The following CDC42BPA variants were observed in gnomAD, a reference collection of about 807,000 sequenced individuals.
CDC42BPA encodes CDC42 binding protein kinase alpha.
Under a neutral mutation model 223.5 loss-of-function variants are expected in CDC42BPA, and 80 were observed. That is an observed-to-expected ratio of 0.36 (90% CI 0.30 to 0.43). The LOEUF is 0.43. Ranked by LOEUF, CDC42BPA falls within the 20% of genes least tolerant of loss-of-function variation. The pLI is 1.00. For missense variants in CDC42BPA, 1,743 were observed against 2,099.9 expected (o/e 0.83, Z 3.32); for synonymous variants, 694 against 718.6 (o/e 0.97, Z 0.55).
Position 227,034,743 on chromosome 1 carries a change from C to T in CDC42BPA, c.3388G>A (p.Val1130Met). 1 of 1,613,858 alleles carries T rather than the reference C, an allele frequency of 6.2e-7. No individual in the cohort carries two copies. Among genetic ancestry groups the T allele is most frequent in the Non-Finnish European group, 8.5e-7 (1 of 1,179,804 alleles). Residue 1130 changes from valine (V) to methionine (M), a missense_variant, in exon 26 of 37, where the codon GTG becomes ATG. By Grantham distance (21) the Val-to-Met change is conservative. Coordinates refer to ENST00000366766, the MANE Select transcript of CDC42BPA (RefSeq NM_001394014.1). ...KKGWQRALAI[V>M]CDFKLFLYDI... ...TACAGAAAGAGTTTGAAGTCACACA[C>T]TATAGCCAGTGCTCTCTGCCACCCT...
intron 2 of CDC42BPA, among the ~76,000 whole-genome samples, chr1:227,242,415 A>G (rs570047566): frequency 5.6e-4 from 86 of 152,234 alleles, no homozygotes; most frequent in African/African-American, 2.0e-3. Flanking sequence ...TCTCTATTAC[A>G]ATAATAGAGG....
intron 35 of CDC42BPA, among the ~76,000 whole-genome samples, chr1:227,000,410 T>C (rs1274643252): frequency 6.6e-6 from 1 of 152,170 alleles, no homozygotes; most frequent in African/African-American, 2.4e-5. Flanking sequence ...GTTCAAAAAA[T>C]AATGAAAAAA....
intron 5 of CDC42BPA, among the ~76,000 whole-genome samples, chr1:227,166,272 C>G (rs1261720348): frequency 6.6e-6 from 1 of 152,158 alleles, no homozygotes; most frequent in Non-Finnish European, 1.5e-5. Context: ...AATAACGAGG[C>G]CTCAGGAGGG....
intron 1 of CDC42BPA, among the ~76,000 whole-genome samples, chr1:227,259,645 C>G (rs1683706954): frequency 1.4e-5 from 2 of 147,208 alleles, no homozygotes; most frequent in Non-Finnish European, 3.0e-5. Context: ...TATTATTAAC[C>G]CTCATTAATA....
chr1:227,223,974 G>A (rs949998254), intron 2 of CDC42BPA, among the ~76,000 whole-genome samples: 7 of 152,120 alleles, frequency 4.6e-5, no homozygotes, highest in East Asian at 1.9e-4. Flanking sequence ...GCTAGGCTAC[G>A]GTAGGTAGGC....
chr1:227,241,740 A>G (rs1246281687), intron 2 of CDC42BPA, among the ~76,000 whole-genome samples: 2 of 152,130 alleles, frequency 1.3e-5, no homozygotes, highest in Non-Finnish European at 2.9e-5. Context: ...GATAAGGGTG[A>G]TCCATTTTCC....
chr1:227,243,507 A>C (rs1366691489), intron 2 of CDC42BPA, among the ~76,000 whole-genome samples: 1 of 152,164 alleles, frequency 6.6e-6, no homozygotes, highest in East Asian at 1.9e-4. Flanking sequence ...GAAAACACAA[A>C]ACAGTCAATA....
chr1:227,179,536 T>C (rs1419260075), intron 5 of CDC42BPA, among the ~76,000 whole-genome samples: 2 of 140,664 alleles, frequency 1.4e-5, no homozygotes, highest in Non-Finnish European at 3.0e-5. Context: ...CTCAGGAGGC[T>C]GAGGCAGGAG....
chr1:227,203,823 A>T (rs1273776287), intron 3 of CDC42BPA, among the ~76,000 whole-genome samples: 1 of 152,216 alleles, frequency 6.6e-6, no homozygotes, highest in Non-Finnish European at 1.5e-5. Context: ...ATAAACAGGA[A>T]CAGGAATGCC....
intron 1 of CDC42BPA, among the ~76,000 whole-genome samples, chr1:227,261,120 T>TTTTA (rs1683967017): frequency 9.8e-6 from 1 of 101,632 alleles, no homozygotes. Flanking sequence ...ATAATTGAGT[T>TTTTA]TTTCTTTTTT....
chr1:227,026,628 A>G (rs1159636611), intron 30 of CDC42BPA, among the ~76,000 whole-genome samples: 7 of 152,250 alleles, frequency 4.6e-5, no homozygotes, highest in Non-Finnish European at 7.3e-5. Flanking sequence ...ATGAATATCA[A>G]CAAATGGTGA....
In CDC42BPA at chr1:227,034,526, A is replaced by G. The variant is rs148582723; in HGVS notation, c.3476+129T>C. 161 of 827,346 alleles carry G rather than the reference A, an allele frequency of 1.9e-4. No homozygotes were observed. In the African/African-American group the frequency reaches 2.4e-3, roughly 12 times the overall value. 51.3% of individuals were successfully genotyped at this position (827,346 alleles called of 1,614,324 possible). ...TATTTTCAATTCTGTTTCTATAGCA[A>G]TATTAGCAAATTAGAAAATACGAAA... On this transcript the variant is annotated intron_variant, in intron 26 of 36. Transcript: ENST00000366766.
At chr1:227,242,139 A>G (rs1468027328) in intron 2 of CDC42BPA, among the ~76,000 whole-genome samples, 3 of 152,028 alleles carry the variant, frequency 2.0e-5, no homozygotes, top group Middle Eastern at 3.2e-3. Flanking sequence ...TTTGAAAATT[A>G]TAATATCAAT....
chr1:227,158,743 T>C (rs1374870821), intron 6 of CDC42BPA, among the ~76,000 whole-genome samples: 1 of 152,160 alleles, frequency 6.6e-6, no homozygotes, highest in African/African-American at 2.4e-5. Flanking sequence ...ATCTGCTTGA[T>C]CATTAGTATT....
chr1:227,254,307 AG>A (rs1428909776), intron 1 of CDC42BPA, 152 bp from the exon 2 acceptor site: 2 of 505,396 alleles, frequency 4.0e-6, no homozygotes, highest in Admixed American at 8.2e-5. Context: ...GAGAATAAAC[AG>A]ATTTAATTTC....
At chr1:227,191,969 T>TA (rs60130170) in intron 5 of CDC42BPA, among the ~76,000 whole-genome samples, 111,138 of 148,022 alleles carry the variant, frequency 0.75, 41,702 homozygotes, top group Non-Finnish European at 0.78. Context: ...AAATTTAAAT[T>TA]AAAAAAAAAA....
intron 1 of CDC42BPA, among the ~76,000 whole-genome samples, chr1:227,307,283 T>C (rs767114628): frequency 2.0e-5 from 3 of 152,138 alleles, no homozygotes; most frequent in East Asian, 3.9e-4. Flanking sequence ...CGCTAAAAAA[T>C]ATGGAAAGGA....
At chr1:227,185,488 G>A (rs536242974) in intron 5 of CDC42BPA, among the ~76,000 whole-genome samples, 5 of 152,222 alleles carry the variant, frequency 3.3e-5, no homozygotes, top group African/African-American at 1.2e-4. Context: ...AAAAAGAGAG[G>A]GTGGGAGGGC....
chr1:227,112,129 T>C, intron 14 of CDC42BPA, 183 bp downstream of exon 14: 1 of 420,914 alleles, frequency 2.4e-6, no homozygotes, highest in Non-Finnish European at 4.2e-6. Context: ...TCCTCCATTT[T>C]CTTCAGCATA....
Sources: gnomAD v4.1 joint callset for allele counts (sites outside exome capture counted in the v4.1 genomes callset) on GRCh38, gnomAD v4.1.1 for gene constraint, MANE v1.5 for transcripts, NCBI Gene and HGNC (gene_info 2026-07-23, HGNC 2026-07-21) for gene names.